The following SLC9B1 variants were observed in gnomAD, a reference collection of about 807,000 sequenced individuals.
SLC9B1 encodes solute carrier family 9 member B1.
A neutral mutation model predicts 51.7 loss-of-function variants in SLC9B1; 32 were observed. That is an observed-to-expected ratio of 0.62 (90% CI 0.47 to 0.83). The LOEUF is 0.83. Among genes scored for constraint, SLC9B1 ranks in the 40% least tolerant of loss-of-function variants. The probability of loss-of-function intolerance (pLI) is 0.00; values close to 1 mark genes in which losing one functional copy is unlikely to be tolerated. For synonymous variants in SLC9B1, 145 were observed against 212.7 expected (o/e 0.68, Z 2.77); for missense variants, 406 against 613.2 (o/e 0.66, Z 3.57).
At chr4:102,914,979 G>T (rs1735510274) in intron 7 of SLC9B1, among the ~76,000 whole-genome samples, 1 of 152,108 alleles carries the variant, frequency 6.6e-6, no homozygotes, top group African/African-American at 2.4e-5. Context: ...AGAGAATTTT[G>T]AAAGGAACAG....
intron 7 of SLC9B1, among the ~76,000 whole-genome samples, chr4:102,916,498 T>C (rs1379090548): frequency 6.6e-6 from 1 of 152,180 alleles, no homozygotes; most frequent in African/African-American, 2.4e-5. Context: ...AAAACTTCAA[T>C]ATCCCACTTT....
chr4:103,013,403 CTTT>C, intron 1 of SLC9B1, among the ~76,000 whole-genome samples: 1 of 152,236 alleles, frequency 6.6e-6, no homozygotes, highest in Non-Finnish European at 1.5e-5. Flanking sequence ...GGTGTCCTTT[CTTT>C]GTCTTTGTTA....
chr4:102,918,261 G>A (rs1488313952), intron 7 of SLC9B1, among the ~76,000 whole-genome samples: 4 of 151,972 alleles, frequency 2.6e-5, no homozygotes, highest in Non-Finnish European at 5.9e-5. Flanking sequence ...GATTCTAAGA[G>A]TCTACTATGA....
At chr4:102,981,782 AT>A (rs1739378489) in intron 3 of SLC9B1, among the ~76,000 whole-genome samples, 1 of 151,934 alleles carries the variant, frequency 6.6e-6, no homozygotes, top group African/African-American at 2.4e-5. Context: ...CTTTGCAAAT[AT>A]TTTCTTCCAA....
intron 6 of SLC9B1, among the ~76,000 whole-genome samples, chr4:102,939,203 G>A (rs564599794): frequency 2.7e-5 from 4 of 150,722 alleles, no homozygotes; most frequent in East Asian, 1.9e-4. Flanking sequence ...CAAAGTGGAC[G>A]TTACCGCCAA....
chr4:102,924,745 G>C (rs945340412), intron 7 of SLC9B1, among the ~76,000 whole-genome samples: 6 of 152,040 alleles, frequency 3.9e-5, no homozygotes, highest in African/African-American at 1.4e-4. Context: ...GTAGGCAAAG[G>C]ATATGAACAG....
At chr4:102,954,888 T>A (rs1192931732) in intron 3 of SLC9B1, among the ~76,000 whole-genome samples, 1 of 152,136 alleles carries the variant, frequency 6.6e-6, no homozygotes, top group East Asian at 1.9e-4. Context: ...ATGAAAAGGT[T>A]GGCAATTTAT....
chr4:102,916,999 T>A (rs1204454036), intron 7 of SLC9B1, among the ~76,000 whole-genome samples: 2 of 152,234 alleles, frequency 1.3e-5, no homozygotes, highest in African/African-American at 2.4e-5. Context: ...GTAGGCATCA[T>A]GCAATTGGTT....
At chr4:102,909,120 C>T (rs1735213081) in intron 9 of SLC9B1, among the ~76,000 whole-genome samples, 1 of 151,984 alleles carries the variant, frequency 6.6e-6, no homozygotes, top group Admixed American at 6.6e-5. Flanking sequence ...GTGTAAATAA[C>T]CAAAATCTTT....
chr4:102,979,351 A>C (rs1174181319), intron 3 of SLC9B1, among the ~76,000 whole-genome samples: 3 of 152,100 alleles, frequency 2.0e-5, no homozygotes, highest in Non-Finnish European at 4.4e-5. Context: ...TGGATGAGTA[A>C]ACTCTCCTCT....
intron 11 of SLC9B1, chr4:102,889,937 CAT>C (rs1300561062): frequency 5.3e-5 from 8 of 152,026 alleles, no homozygotes; most frequent in African/African-American, 1.9e-4. Context: ...TCTTGAAATA[CAT>C]GTCTTCGGTT....
At chr4:102,906,712 TCC>T (rs66628131) in intron 9 of SLC9B1, 68 bp from the exon 10 acceptor site, 4 of 811,476 alleles carry the variant, frequency 4.9e-6, no homozygotes, top group Non-Finnish European at 5.6e-6. Flanking sequence ...CTTAAAGTCT[TCC>T]CCCCCCTTTT....
At chr4:102,982,189 T>C (rs1015176914) in intron 3 of SLC9B1, among the ~76,000 whole-genome samples, 1 of 152,162 alleles carries the variant, frequency 6.6e-6, no homozygotes, top group Non-Finnish European at 1.5e-5. Flanking sequence ...ATTGCCTTTA[T>C]TCCTTTGTCA....
intron 7 of SLC9B1, among the ~76,000 whole-genome samples, chr4:102,914,888 A>C (rs1190624719): frequency 3.3e-5 from 5 of 152,238 alleles, no homozygotes; most frequent in Non-Finnish European, 5.9e-5. Context: ...CAAGAGTCTC[A>C]AAGAACTCCA....
chr4:102,936,154 C>T (rs1454271489), intron 6 of SLC9B1, among the ~76,000 whole-genome samples: 1 of 152,178 alleles, frequency 6.6e-6, no homozygotes, highest in East Asian at 1.9e-4. Flanking sequence ...TGAGCTGAGC[C>T]TTTGCCCCCT....
exon 12 of SLC9B1, chr4:102,885,150 AC>A: frequency 2.5e-6 from 3 of 1,209,028 alleles, no homozygotes; most frequent in East Asian, 2.4e-5. Flanking sequence ...CAAGGATGAA[AC>A]TAGACATGCT....
At chr4:102,945,396 A>C in intron 5 of SLC9B1, 76 bp from the exon 6 acceptor site, 1 of 1,435,448 alleles carries the variant, frequency 7.0e-7, no homozygotes, top group Non-Finnish European at 9.3e-7. Flanking sequence ...ATGTCAAACT[A>C]TAAAGTCTTT....
chr4:102,988,949 A>G (rs2110516972), intron 3 of SLC9B1, among the ~76,000 whole-genome samples: 1 of 152,174 alleles, frequency 6.6e-6, no homozygotes, highest in African/African-American at 2.4e-5. Context: ...CTTTGTAGAA[A>G]TGGCCTACTA....
At chr4:102,929,188 C>T (rs1299818326) in intron 7 of SLC9B1, among the ~76,000 whole-genome samples, 2 of 152,154 alleles carry the variant, frequency 1.3e-5, no homozygotes, top group African/African-American at 4.8e-5. Context: ...TAATATTCAT[C>T]CCATTTGTAA....
Sources: gnomAD v4.1 joint callset for allele counts (sites outside exome capture counted in the v4.1 genomes callset) on GRCh38, gnomAD v4.1.1 for gene constraint, MANE v1.5 for transcripts, NCBI Gene and HGNC (gene_info 2026-07-23, HGNC 2026-07-21) for gene names.